The following ATP13A5 variants were observed in gnomAD, a reference collection of about 807,000 sequenced individuals.
The protein encoded by ATP13A5 is ATPase 13A5, also known as probable cation-transporting ATPase 13A5.
A neutral mutation model predicts 150.2 loss-of-function variants in ATP13A5; 149 were observed. That is an observed-to-expected ratio of 0.99 (90% CI 0.87 to 1.14). ATP13A5 has a LOEUF of 1.14. ATP13A5 is among the 50% of genes most tolerant of loss of function. The probability of loss-of-function intolerance (pLI) is 0.00; values close to 1 mark genes in which losing one functional copy is unlikely to be tolerated. For synonymous variants in ATP13A5, 497 were observed against 522.2 expected (o/e 0.95, Z 0.66); for missense variants, 1,383 against 1,449.3 (o/e 0.95, Z 0.74).
chr3:193,335,764 A>C (rs1711833085), intron 9 of ATP13A5, among the ~76,000 whole-genome samples: 1 of 152,176 alleles, frequency 6.6e-6, no homozygotes, highest in Non-Finnish European at 1.5e-5. Flanking sequence ...CTAGATTGTC[A>C]AAGCCTACCA....
intron 3 of ATP13A5, 50 bp downstream of exon 3, chr3:193,363,186 T>A: frequency 6.4e-7 from 1 of 1,552,236 alleles, no homozygotes; most frequent in Admixed American, 2.0e-5. Context: ...ACAGTTATTT[T>A]ATGCTTTCTC....
At chr3:193,376,008 G>A (rs1713628709) in intron 1 of ATP13A5, among the ~76,000 whole-genome samples, 1 of 152,036 alleles carries the variant, frequency 6.6e-6, no homozygotes, top group Non-Finnish European at 1.5e-5. Flanking sequence ...CCGGGCCACA[G>A]GGAATCTTCG....
intron 5 of ATP13A5, among the ~76,000 whole-genome samples, chr3:193,354,739 G>T (rs1399872579): frequency 6.6e-6 from 1 of 151,952 alleles, no homozygotes; most frequent in East Asian, 1.9e-4. Context: ...TATACACAAG[G>T]TGTAATACAT....
At chr3:193,293,551 TC>T (rs1336548792) in intron 25 of ATP13A5, among the ~76,000 whole-genome samples, 1 of 152,068 alleles carries the variant, frequency 6.6e-6, no homozygotes, top group East Asian at 1.9e-4. Context: ...CAGCACAGGA[TC>T]TATTGCATGG....
intron 19 of ATP13A5, among the ~76,000 whole-genome samples, chr3:193,312,436 T>C (rs1294461000): frequency 3.9e-5 from 6 of 152,144 alleles, no homozygotes; most frequent in African/African-American, 1.4e-4. Flanking sequence ...CCTCAACAGG[T>C]ATCTCTTTCT....
intron 28 of ATP13A5, among the ~76,000 whole-genome samples, chr3:193,277,226 T>TGG (rs1560109362): frequency 9.2e-5 from 14 of 151,700 alleles, no homozygotes; most frequent in Non-Finnish European, 1.8e-4. Context: ...AAATTCTACC[T>TGG]GGAATTCATT....
At chr3:193,355,307 A>G (rs527409941) in intron 5 of ATP13A5, among the ~76,000 whole-genome samples, 1 of 152,246 alleles carries the variant, frequency 6.6e-6, no homozygotes, top group African/African-American at 2.4e-5. Context: ...AACTCCTTCA[A>G]TCATCACATT....
intron 7 of ATP13A5, among the ~76,000 whole-genome samples, chr3:193,349,836 C>T: frequency 6.6e-6 from 1 of 152,048 alleles, no homozygotes; most frequent in African/African-American, 2.4e-5. Flanking sequence ...AATAATATAG[C>T]AGCATCTATT....
chr3:193,336,323 G>C (rs1357181538), intron 9 of ATP13A5, among the ~76,000 whole-genome samples: 1 of 152,046 alleles, frequency 6.6e-6, no homozygotes, highest in African/African-American at 2.4e-5. Flanking sequence ...GTGCCATGCT[G>C]GTGTGCTGCA....
intron 17 of ATP13A5, among the ~76,000 whole-genome samples, chr3:193,315,402 T>C (rs567636481): frequency 3.7e-4 from 57 of 152,232 alleles, no homozygotes; most frequent in Non-Finnish European, 7.2e-4. Context: ...AAATATACTT[T>C]ATTTTTTAAT....
Position 193,311,862 on chromosome 3 carries a change from T to C in ATP13A5, c.2399A>G (p.Lys800Arg), listed in dbSNP as rs762716856. 1 of 1,613,946 alleles carries C rather than the reference T, an allele frequency of 6.2e-7. No individual in the cohort carries two copies. Among genetic ancestry groups the C allele is most frequent in the Non-Finnish European group, 8.5e-7 (1 of 1,179,886 alleles). Residue 800 changes from lysine to arginine, a missense_variant, in exon 20 of 30, where the codon AAA becomes AGA. By Grantham distance (26) the Lys-to-Arg change is conservative (BLOSUM62 2). This residue lies in a region of ATP13A5 where 568 missense variants were observed against 621.5 expected (regional missense o/e 0.91). Transcript: ENST00000342358. ...ATGCTGAAATATCACTTGGTATGAT[T>C]TCCCACTCATTGCAAAATGGTAACA... ...GSCYHFAMSG[K>R]SYQVIFQHFN...
chr3:193,358,960 C>A lies in ATP13A5; in HGVS notation c.536+3421G>T, dbSNP rs185242815. On this transcript the variant is annotated intron_variant, in intron 5 of 29. Transcript: ENST00000342358. ...GGCAGTAGAGTTAAGTGGTTTTATA[C>A]TTTAAATGGGCCAAGATCCATAGAA... is the stretch of plus-strand genomic sequence containing the variant. Among the ~76,000 whole-genome samples, 298 of 152,198 alleles carry A rather than the reference C, an allele frequency of 2.0e-3. 2 individuals carry two copies. The highest frequency in any genetic ancestry group is 7.0e-3 in the African/African-American group (291 of 41,530).
chr3:193,330,555 A>AT (rs1711591609), intron 12 of ATP13A5, among the ~76,000 whole-genome samples: 1 of 152,218 alleles, frequency 6.6e-6, no homozygotes, highest in African/African-American at 2.4e-5. Flanking sequence ...GACTCACGTC[A>AT]TGGGGGGGTG....
chr3:193,371,746 T>C (rs1713449380), intron 1 of ATP13A5, among the ~76,000 whole-genome samples: 1 of 152,180 alleles, frequency 6.6e-6, no homozygotes, highest in Non-Finnish European at 1.5e-5. Flanking sequence ...GTGCTTTAAC[T>C]ATCTCTGACT....
chr3:193,325,091 A>G, intron 13 of ATP13A5, 77 bp from the exon 14 acceptor site: 1 of 1,426,818 alleles, frequency 7.0e-7, no homozygotes, highest in Non-Finnish European at 9.6e-7. Flanking sequence ...ACTAAAGTGG[A>G]GCTCCAAACA....
chr3:193,293,513 C>T (rs1718047670), intron 25 of ATP13A5, among the ~76,000 whole-genome samples: 1 of 152,092 alleles, frequency 6.6e-6, no homozygotes, highest in African/African-American at 2.4e-5. Flanking sequence ...AATCCTGTCT[C>T]ATTCCACATT....
chr3:193,352,896 C>G (rs377035493), intron 6 of ATP13A5, among the ~76,000 whole-genome samples: 1 of 151,916 alleles, frequency 6.6e-6, no homozygotes, highest in African/African-American at 2.4e-5. Flanking sequence ...GGGCTCACAT[C>G]ATCAGATTCA....
At chr3:193,303,349 C>T (rs1196145118) in intron 23 of ATP13A5, among the ~76,000 whole-genome samples, 2 of 152,214 alleles carry the variant, frequency 1.3e-5, no homozygotes, top group Non-Finnish European at 2.9e-5. Flanking sequence ...AGTTCTCACA[C>T]TCAACTGCCA....
intron 7 of ATP13A5, 36 bp from the exon 8 acceptor site, chr3:193,345,111 G>A (rs1712285655): frequency 6.3e-7 from 1 of 1,583,134 alleles, no homozygotes; most frequent in Non-Finnish European, 8.7e-7. Flanking sequence ...ACATTAGATA[G>A]TTCATGTTCT....
Sources: allele counts gnomAD v4.1 joint callset (sites outside exome capture counted in the v4.1 genomes callset), GRCh38; gene constraint gnomAD v4.1.1; regional missense constraint gnomAD v4.1.1; transcripts MANE v1.5; gene names NCBI Gene and HGNC (gene_info 2026-07-23, HGNC 2026-07-21).